The following TSPAN10 variants were observed in gnomAD, a reference collection of about 807,000 sequenced individuals.
TSPAN10 encodes the protein tetraspanin 10.
Under a neutral mutation model 15.0 loss-of-function variants are expected in TSPAN10, and 11 were observed. The observed-to-expected ratio is 0.73, with a 90% CI of 0.46 to 1.21. TSPAN10 has a LOEUF of 1.21. Among genes scored for constraint, TSPAN10 ranks in the 50% most tolerant of loss-of-function variants. The pLI, the probability that TSPAN10 is intolerant of heterozygous loss-of-function variation, is 0.00. For missense variants in TSPAN10, 486 were observed against 470.6 expected (o/e 1.03, Z -0.30); for synonymous variants, 241 against 226.2 (o/e 1.07, Z -0.59).
intron 2 of TSPAN10, chr17:81,645,989 C>A: frequency 5.2e-6 from 2 of 385,604 alleles, no homozygotes; most frequent in Admixed American, 9.5e-5. Flanking sequence ...GCTCAGGGCC[C>A]CAATCAGCCC....
At chr17:81,642,298 T>C (rs761270368), upstream of TSPAN10, 43 of 1,269,024 alleles carry the variant, frequency 3.4e-5, no homozygotes, top group Non-Finnish European at 4.7e-5. Flanking sequence ...AGGGCTGCAC[T>C]GTTCACAGAC....
upstream of TSPAN10, among the ~76,000 whole-genome samples, chr17:81,640,377 G>A (rs569393952): frequency 6.6e-5 from 10 of 151,938 alleles, no homozygotes; most frequent in South Asian, 1.0e-3. Flanking sequence ...CACATTCCTC[G>A]TGTCTCTCCA....
chr17:81,637,227 A>G, exon 1 of TSPAN10: 1 of 483,704 alleles, frequency 2.1e-6, no homozygotes, highest in Non-Finnish European at 3.7e-6. Flanking sequence ...GGAGGAGGGG[A>G]TTTTGGAAAG....
At chr17:81,642,470 T>G (rs766228230) in intron 1 of TSPAN10, 22 bp downstream of exon 2, 1 of 1,598,504 alleles carries the variant, frequency 6.3e-7, no homozygotes, top group African/African-American at 1.3e-5. Flanking sequence ...CAAGTGGCCT[T>G]GCCCTGAGGT....
chr17:81,637,532 C>T, upstream of TSPAN10: 1 of 614,094 alleles, frequency 1.6e-6, no homozygotes, highest in Non-Finnish European at 3.0e-6. Context: ...GGCGCGGTGG[C>T]TCATACCTGT....
At chr17:81,639,873 G>A (rs536393537), upstream of TSPAN10, among the ~76,000 whole-genome samples, 12 of 152,090 alleles carry the variant, frequency 7.9e-5, no homozygotes, top group South Asian at 6.2e-4. Flanking sequence ...CCAGCTACTC[G>A]GGAGGCTGAG....
upstream of TSPAN10, among the ~76,000 whole-genome samples, chr17:81,639,633 C>T (rs1456327411): frequency 6.6e-6 from 1 of 151,076 alleles, no homozygotes; most frequent in Non-Finnish European, 1.5e-5. Flanking sequence ...CGCGGTGGCT[C>T]ACGCCTGTCA....
exon 2 of TSPAN10, chr17:81,645,084 G>T: frequency 6.3e-7 from 1 of 1,592,778 alleles, no homozygotes; most frequent in Non-Finnish European, 8.5e-7. Context: ...CGGAGGCCTG[G>T]GGCTGCAGCT....
At chr17:81,642,110 A>G (rs2036183635), upstream of TSPAN10, among the ~76,000 whole-genome samples, 1 of 152,184 alleles carries the variant, frequency 6.6e-6, no homozygotes, top group South Asian at 2.1e-4. Context: ...CTGGCACCCA[A>G]ACATGCCTGC....
downstream of TSPAN10, chr17:81,648,702 A>C: frequency 6.1e-6 from 1 of 164,810 alleles, no homozygotes; most frequent in Non-Finnish European, 1.3e-5. Flanking sequence ...GAGATAGTAA[A>C]TGTTTTATTC....
upstream of TSPAN10, among the ~76,000 whole-genome samples, chr17:81,641,952 T>C (rs1289119285): frequency 6.6e-6 from 1 of 152,116 alleles, no homozygotes; most frequent in African/African-American, 2.4e-5. Flanking sequence ...GGGGGATAGA[T>C]TGGCGCTGGG....
At chr17:81,639,777 G>A (rs1254200798), upstream of TSPAN10, among the ~76,000 whole-genome samples, 2 of 151,088 alleles carry the variant, frequency 1.3e-5, no homozygotes, top group African/African-American at 2.4e-5. Flanking sequence ...AGGAGATCGA[G>A]ACCATCCTGG....
chr17:81,639,200 C>CTTTTTTTTTTTTTTTTTTTTTTTTTT (rs757994889), upstream of TSPAN10: 1 of 115,252 alleles, frequency 8.7e-6, no homozygotes, highest in African/African-American at 3.5e-5. Context: ...TTTGGAATTA[C>CTTTTTTTTTTTTTTTTTTTTTTTTTT]TTTTCTTTTT....
intron 2 of TSPAN10, chr17:81,646,221 A>C (rs184767308): frequency 6.4e-6 from 1 of 155,984 alleles, no homozygotes; most frequent in African/African-American, 2.4e-5. Context: ...GTGAAACCCC[A>C]TCTCTACTAA....
At chr17:81,645,381 C>T (rs2036234176) in exon 2 of TSPAN10, 1 of 1,598,792 alleles carries the variant, frequency 6.3e-7, no homozygotes, top group African/African-American at 1.3e-5. Context: ...ACCTGGGCGC[C>T]CTCTGTGAGA....
intron 1 of TSPAN10, among the ~76,000 whole-genome samples, chr17:81,643,748 G>A (rs577938598): frequency 2.0e-3 from 304 of 152,236 alleles, no homozygotes; most frequent in African/African-American, 6.9e-3. Flanking sequence ...CTGATGCTGT[G>A]ATCAGCTTCT....
Position 81,642,475 on chromosome 17 carries a change from T to C in TSPAN10, c.36+27T>C, listed in dbSNP as rs371571868. 1.2e-5 allele frequency: 19 copies of C among 1,595,264 alleles called. No individual in the cohort carries two copies. The African/African-American group carries it at 2.1e-4, about 18-fold the overall frequency. ...TGAGCCATGCCAAGTGGCCTTGCCC[T>C]GAGGTTGGAGATGTCCCCAGCCCTG... On this transcript the variant is annotated intron_variant, in intron 1 of 2. Coordinates refer to ENST00000611590, the Ensembl canonical transcript of TSPAN10.
chr17:81,645,375 G>A (rs763441070), exon 2 of TSPAN10: 2 of 1,597,000 alleles, frequency 1.3e-6, no homozygotes, highest in South Asian at 1.1e-5. Flanking sequence ...CTGGCTACCT[G>A]GGCGCCCTCT....
chr17:81,637,521 G>T (rs2036120288), upstream of TSPAN10: 2 of 626,516 alleles, frequency 3.2e-6, no homozygotes, highest in Non-Finnish European at 5.8e-6. Context: ...ATTTCAGGCC[G>T]GGCGCGGTGG....
Sources: allele counts gnomAD v4.1 joint callset (sites outside exome capture counted in the v4.1 genomes callset), GRCh38; gene constraint gnomAD v4.1.1; transcripts MANE v1.5; gene names NCBI Gene and HGNC (gene_info 2026-07-23, HGNC 2026-07-21).